Variants in FUT8 observed in about 807,000 individuals in gnomAD.
FUT8 encodes alpha-(1,6)-fucosyltransferase.
FUT8 carries 29 observed loss-of-function variants against 71.3 expected under a neutral mutation model. That is an observed-to-expected ratio of 0.41 (90% CI 0.30 to 0.55). The LOEUF is 0.55. Among genes scored for constraint, FUT8 ranks in the 20% least tolerant of loss-of-function variants. The pLI, the probability that FUT8 is intolerant of heterozygous loss-of-function variation, is 0.34. For synonymous variants in FUT8, 254 were observed against 239.3 expected (o/e 1.06, Z -0.57); for missense variants, 544 against 702.1 (o/e 0.77, Z 2.55).
chr14:65,534,183 T>G (rs1305554841), intron 2 of FUT8, among the ~76,000 whole-genome samples: 1 of 152,128 alleles, frequency 6.6e-6, no homozygotes, highest in Non-Finnish European at 1.5e-5. Context: ...GAGTACAGTG[T>G]GCAAACATGA....
At chr14:65,427,998 T>G in intron 1 of FUT8, among the ~76,000 whole-genome samples, 1 of 152,190 alleles carries the variant, frequency 6.6e-6, no homozygotes, top group East Asian at 1.9e-4. Flanking sequence ...AATGAATGGA[T>G]AAAGTACAAA....
chr14:65,549,098 G>A (rs1885139385), intron 2 of FUT8, among the ~76,000 whole-genome samples: 1 of 152,098 alleles, frequency 6.6e-6, no homozygotes, highest in South Asian at 2.1e-4. Flanking sequence ...GGGAGATTGT[G>A]GATCAACAGG....
Position 65,743,080 on chromosome 14 carries a change from T to A in FUT8, c.*670T>A, listed in dbSNP as rs991079349. The A allele has an allele frequency of 1.3e-5, 2 of 152,410 alleles. 1 individual carries two copies. Among genetic ancestry groups the A allele is most frequent in the South Asian group, 4.1e-4 (2 of 4,822 alleles). 9.4% of individuals were successfully genotyped at this position (152,410 alleles called of 1,614,324 possible). A position where few individuals can be genotyped will look rare whatever the true frequency, so the allele number is the denominator to read the frequency against. On this transcript the variant is annotated 3_prime_UTR_variant, in exon 11 of 11. Coordinates refer to ENST00000673929, the MANE Select transcript of FUT8 (RefSeq NM_001371533.1). Reference sequence around the variant, plus strand: ...TTGTAAAACAATGCCATGAACAAATTCTTTAGTACTCAATGTTTCTGGACA... The same window carrying A: ...TTGTAAAACAATGCCATGAACAAATACTTTAGTACTCAATGTTTCTGGACA...
At chr14:65,540,646 T>C (rs537497872) in intron 2 of FUT8, among the ~76,000 whole-genome samples, 1 of 152,224 alleles carries the variant, frequency 6.6e-6, no homozygotes, top group Admixed American at 6.5e-5. Flanking sequence ...GCTATTGCTA[T>C]GTTGAGATAC....
chr14:65,543,507 A>G (rs1884806668), intron 2 of FUT8, among the ~76,000 whole-genome samples: 1 of 152,210 alleles, frequency 6.6e-6, no homozygotes, highest in Non-Finnish European at 1.5e-5. Flanking sequence ...AATTTGTGTT[A>G]TAATAGAGAA....
At chr14:65,539,458 A>G (rs952927105) in intron 2 of FUT8, among the ~76,000 whole-genome samples, 5 of 152,226 alleles carry the variant, frequency 3.3e-5, no homozygotes, top group African/African-American at 9.6e-5. Flanking sequence ...TGATATTAGC[A>G]TAGTTCAGTA....
chr14:65,577,020 AT>A (rs1181941570), intron 3 of FUT8, among the ~76,000 whole-genome samples: 8 of 148,698 alleles, frequency 5.4e-5, no homozygotes, highest in East Asian at 2.0e-4. Context: ...AGCTAATTAA[AT>A]TTTTTTTTTG....
At chr14:65,399,881 C>T in the FUT8 span, among the ~76,000 whole-genome samples, 1 of 152,176 alleles carries the variant, frequency 6.6e-6, no homozygotes, top group Non-Finnish European at 1.5e-5. Flanking sequence ...GACAAAACTT[C>T]TTTCATTTAG....
chr14:65,663,433 C>A (rs1042713410), intron 6 of FUT8, among the ~76,000 whole-genome samples: 1 of 151,720 alleles, frequency 6.6e-6, no homozygotes, highest in Non-Finnish European at 1.5e-5. Context: ...ACATAAATAC[C>A]TTTTCTGTTC....
chr14:65,480,711 A>G (rs1193517408), intron 2 of FUT8, among the ~76,000 whole-genome samples: 2 of 151,480 alleles, frequency 1.3e-5, no homozygotes, highest in East Asian at 3.9e-4. Context: ...TTTTTTTTTA[A>G]ATGGAGTCTC....
At chr14:65,554,963 T>TAAA (rs1885509389) in intron 2 of FUT8, among the ~76,000 whole-genome samples, 1 of 152,206 alleles carries the variant, frequency 6.6e-6, no homozygotes, top group African/African-American at 2.4e-5. Context: ...CTGATCCTTT[T>TAAA]GTAGCTTGTT....
At chr14:65,540,983 G>T (rs1453974218) in intron 2 of FUT8, among the ~76,000 whole-genome samples, 1 of 152,136 alleles carries the variant, frequency 6.6e-6, no homozygotes, top group Non-Finnish European at 1.5e-5. Flanking sequence ...AGATCACTCT[G>T]GTCTTTGGAA....
chr14:65,556,272 A>C (rs1475666105), intron 2 of FUT8, among the ~76,000 whole-genome samples: 2 of 152,206 alleles, frequency 1.3e-5, no homozygotes, highest in Non-Finnish European at 2.9e-5. Context: ...AAAAGCCTGC[A>C]TTCAAGATGT....
intron 5 of FUT8, among the ~76,000 whole-genome samples, chr14:65,629,059 AGTCACTC>A (rs1566861846): frequency 6.6e-6 from 1 of 152,220 alleles, no homozygotes; most frequent in African/African-American, 2.4e-5. Context: ...ATCTTTTTCC[AGTCACTC>A]AGAGTGTTTA....
Position 65,643,371 on chromosome 14 carries a change from C to G in FUT8, c.597+13765C>G, listed in dbSNP as rs1284735612. ...GACCTGGAAATAAAATTGACAGATTCTGGCCCAGCGTGGTGGCTCACGCCT... is the reference window on the plus strand; with the variant it reads ...GACCTGGAAATAAAATTGACAGATTGTGGCCCAGCGTGGTGGCTCACGCCT... On this transcript the variant is annotated intron_variant, in intron 6 of 10. Transcript: ENST00000673929. The surrounding 1 kb of genome is among the most constrained non-coding windows in gnomAD (Gnocchi z 4.5). Among the ~76,000 whole-genome samples, 5 of 152,144 alleles carry G rather than the reference C, an allele frequency of 3.3e-5. No homozygotes were observed. The highest frequency in any genetic ancestry group is 1.2e-4 in the African/African-American group (5 of 41,420).
rs2066369147 is a variant in FUT8, at chr14:65,483,864, C to T, written c.-228+28146C>T. Among the ~76,000 whole-genome samples, 1 of 151,962 alleles carries T rather than the reference C, an allele frequency of 6.6e-6. No homozygotes were observed. The highest frequency in any genetic ancestry group is 1.5e-5 in the Non-Finnish European group (1 of 67,994). On this transcript the variant is annotated intron_variant, in intron 2 of 10. Transcript: ENST00000673929. This position sits in a 1 kb window ranked among gnomAD's most constrained non-coding sequence, Gnocchi z 4.4. ...TCTTCTGACTCAGCCTCCTGAGTAG[C>T]TGAGATTGCTCAGCTACCACACCCA... is the stretch of plus-strand genomic sequence containing the variant.
chr14:65,632,444 T>G (rs1890237652), intron 6 of FUT8, among the ~76,000 whole-genome samples: 1 of 152,256 alleles, frequency 6.6e-6, no homozygotes, highest in Non-Finnish European at 1.5e-5. Context: ...GGTATTGCAC[T>G]GTGGTTTTGA....
chr14:65,704,243 C>T (rs1009776338), intron 7 of FUT8, among the ~76,000 whole-genome samples: 8 of 152,110 alleles, frequency 5.3e-5, no homozygotes, highest in African/African-American at 1.9e-4. Context: ...CTTCATCCTG[C>T]GAGATCCTGA....
chr14:65,448,544 A>C (rs17826580), intron 1 of FUT8, among the ~76,000 whole-genome samples: 18,808 of 152,252 alleles, frequency 0.12, 1,499 homozygotes, highest in East Asian at 0.39. Context: ...GATAAGTAGA[A>C]GGGATATTGG....
Sources: allele counts gnomAD v4.1 joint callset (sites outside exome capture counted in the v4.1 genomes callset), GRCh38; gene constraint gnomAD v4.1.1; non-coding constraint Gnocchi (gnomAD v3.1); transcripts MANE v1.5; gene names NCBI Gene and HGNC (gene_info 2026-07-23, HGNC 2026-07-21).